The following UTRN variants were observed in gnomAD, a reference collection of about 807,000 sequenced individuals.
UTRN encodes the protein dystrophin-related protein 1.
UTRN carries 283 observed loss-of-function variants against 463.9 expected under a neutral mutation model. The ratio of observed to expected loss-of-function variants is 0.61; its 90% confidence interval spans 0.55 to 0.67. UTRN has a LOEUF of 0.67. Among genes scored for constraint, UTRN ranks in the 30% least tolerant of loss-of-function variants. The probability of loss-of-function intolerance (pLI) is 0.00; values close to 1 mark genes in which losing one functional copy is unlikely to be tolerated. For missense variants in UTRN, 3,922 were observed against 4,084.3 expected (o/e 0.96, Z 1.08); for synonymous variants, 1,442 against 1,431.5 (o/e 1.01, Z -0.17).
chr6:144,542,276 A>G (rs1008841090), intron 45 of UTRN, among the ~76,000 whole-genome samples: 1 of 152,198 alleles, frequency 6.6e-6, no homozygotes, highest in Non-Finnish European at 1.5e-5. Flanking sequence ...CTGAATATCT[A>G]GTTCACAGAG....
At chr6:144,427,665 C>T (rs1785411646) in intron 7 of UTRN, among the ~76,000 whole-genome samples, 1 of 152,204 alleles carries the variant, frequency 6.6e-6, no homozygotes, top group South Asian at 2.1e-4. Context: ...TTTTGGTACA[C>T]TTTTTATGAG....
intron 25 of UTRN, 81 bp downstream of exon 25, chr6:144,474,840 C>T: frequency 6.8e-7 from 1 of 1,473,672 alleles, no homozygotes; most frequent in Non-Finnish European, 9.1e-7. Context: ...TGTATTATGA[C>T]CCATCCAGTT....
chr6:144,690,634 A>G (rs1374620904), intron 52 of UTRN, among the ~76,000 whole-genome samples: 3 of 152,174 alleles, frequency 2.0e-5, no homozygotes, highest in Non-Finnish European at 2.9e-5. Context: ...GCTGACCTCC[A>G]CAAGGTCTCC....
At chr6:144,381,048 A>G (rs1780866010) in intron 2 of UTRN, among the ~76,000 whole-genome samples, 1 of 151,392 alleles carries the variant, frequency 6.6e-6, no homozygotes, top group Non-Finnish European at 1.5e-5. Flanking sequence ...TAAGGGGTAC[A>G]TGTGTAGGTT....
At chr6:144,838,187 G>C (rs1781261727) in intron 71 of UTRN, among the ~76,000 whole-genome samples, 1 of 152,164 alleles carries the variant, frequency 6.6e-6, no homozygotes, top group African/African-American at 2.4e-5. Flanking sequence ...AGGCTTTTCT[G>C]TTCACCCTTG....
intron 28 of UTRN, among the ~76,000 whole-genome samples, chr6:144,485,967 C>T (rs1010220917): frequency 1.3e-5 from 2 of 152,164 alleles, no homozygotes; most frequent in Non-Finnish European, 2.9e-5. Context: ...GGGATCTTGT[C>T]GTAGGAGCTT....
chr6:144,562,535 C>T (rs1039067903), intron 50 of UTRN, among the ~76,000 whole-genome samples: 4 of 152,150 alleles, frequency 2.6e-5, no homozygotes, highest in African/African-American at 9.7e-5. Context: ...GACATGATCT[C>T]ATTCCTTTTT....
At chr6:144,834,675 A>G (rs1462549180) in intron 69 of UTRN, among the ~76,000 whole-genome samples, 1 of 152,194 alleles carries the variant, frequency 6.6e-6, no homozygotes, top group Non-Finnish European at 1.5e-5. Flanking sequence ...GGTGAAGCTG[A>G]GAGAGGCCCA....
At position 144,730,415 on chromosome 6, in the gene UTRN, C is replaced by T. The variant is rs769248962; in HGVS notation, c.7868C>T (p.Ala2623Val). The change falls in exon 54 of 75, where the codon GCC becomes GTC. Residue 2623 changes from alanine to valine, a missense_variant. This residue lies in a region of UTRN where 1,309 missense variants were observed against 1,452.6 expected (regional missense o/e 0.90). Transcript: ENST00000367545. ...EYSVLNAVDQ[A>V]RVFLADQPIE... ...TCTGTCCTGAATGCTGTCGACCAGG[C>T]CCGAGTTTTCTTGGCTGATCAGCCA... 1 of 1,611,968 alleles carries T rather than the reference C, an allele frequency of 6.2e-7. No homozygotes were observed.
At chr6:144,318,905 A>G (rs112855689) in intron 2 of UTRN, among the ~76,000 whole-genome samples, 4,578 of 152,232 alleles carry the variant, frequency 0.03, 223 homozygotes, top group African/African-American at 0.1. Context: ...ACTCCTCTCT[A>G]CAAAAAATAC....
intron 54 of UTRN, among the ~76,000 whole-genome samples, chr6:144,744,015 C>G (rs368332964): frequency 1.3e-5 from 2 of 149,056 alleles, no homozygotes; most frequent in East Asian, 3.9e-4. Context: ...AGGCTAGGTG[C>G]GGTGGCTTAT....
intron 2 of UTRN, among the ~76,000 whole-genome samples, chr6:144,378,452 G>A (rs1780643197): frequency 6.6e-6 from 1 of 152,204 alleles, no homozygotes; most frequent in Admixed American, 6.5e-5. Context: ...AAGGAAAACA[G>A]GTTGCCTTTA....
Position 144,426,443 on chromosome 6 carries a change from G to C in UTRN, c.562G>C (p.Val188Leu). The C allele has an allele frequency of 6.2e-7, 1 of 1,613,658 alleles. No individual in the cohort carries two copies. Among genetic ancestry groups the C allele is most frequent in the Non-Finnish European group, 8.5e-7 (1 of 1,179,860 alleles). ...SWTDGLAFNA[V>L]LHRHKPDLFS... is the part of the protein sequence containing the mutation. Reference sequence around the variant, plus strand: ...GACAGATGGACTCGCCTTTAATGCTGTCCTCCACCGACATAAGTGAGACAT... The same window carrying C: ...GACAGATGGACTCGCCTTTAATGCTCTCCTCCACCGACATAAGTGAGACAT... The change falls in exon 7 of 75, where the codon GTC becomes CTC. Residue 188 changes from valine (V) to leucine (L), a missense_variant. Coordinates refer to ENST00000367545, the MANE Select transcript of UTRN (RefSeq NM_007124.3).
At chr6:144,326,444 G>A (rs1775979500) in intron 2 of UTRN, among the ~76,000 whole-genome samples, 1 of 151,976 alleles carries the variant, frequency 6.6e-6, no homozygotes, top group Non-Finnish European at 1.5e-5. Flanking sequence ...TCATCACATT[G>A]TGTGTGTGGC....
At chr6:144,585,455 A>C (rs189195101) in intron 51 of UTRN, among the ~76,000 whole-genome samples, 1 of 152,138 alleles carries the variant, frequency 6.6e-6, no homozygotes, top group Non-Finnish European at 1.5e-5. Context: ...GATTTTGCCT[A>C]AAGAACTGGA....
Position 144,516,080 on chromosome 6 carries a change from A to C in UTRN, c.5245-149A>C. The C allele has an allele frequency of 3.9e-6, 3 of 760,384 alleles. No individual in the cohort carries two copies. In the South Asian group the frequency reaches 5.4e-5, roughly 14 times the overall value. 47.1% of individuals were successfully genotyped at this position (760,384 alleles called of 1,614,324 possible). A position where few individuals can be genotyped will look rare whatever the true frequency, so the allele number is the denominator to read the frequency against. Reference sequence around the variant, plus strand: ...AGTCTGAATTGGTAAAATCATTGCCATATAAATGAATGAAACAAAAGTTAG... The same window carrying C: ...AGTCTGAATTGGTAAAATCATTGCCCTATAAATGAATGAAACAAAAGTTAG... On this transcript the variant is annotated intron_variant, in intron 37 of 74. Transcript: ENST00000367545.
intron 3 of UTRN, among the ~76,000 whole-genome samples, chr6:144,407,421 A>G (rs1452636437): frequency 1.3e-5 from 2 of 152,202 alleles, no homozygotes; most frequent in African/African-American, 4.8e-5. Context: ...TATGAATACA[A>G]TGCATCAGGA....
At chr6:144,561,357 T>C (rs1435023580) in intron 50 of UTRN, among the ~76,000 whole-genome samples, 13 of 149,038 alleles carry the variant, frequency 8.7e-5, no homozygotes, top group African/African-American at 2.7e-4. Flanking sequence ...TACACACACA[T>C]ATAACTGTGT....
At chr6:144,312,578 T>C (rs1446030127) in intron 2 of UTRN, among the ~76,000 whole-genome samples, 1 of 152,214 alleles carries the variant, frequency 6.6e-6, no homozygotes, top group Non-Finnish European at 1.5e-5. Context: ...ACTAGGAAGA[T>C]TTGTTTTTGT....
Sources: gnomAD v4.1 joint callset for allele counts (sites outside exome capture counted in the v4.1 genomes callset) on GRCh38, gnomAD v4.1.1 for gene constraint, gnomAD v4.1.1 regional missense constraint, MANE v1.5 for transcripts, NCBI Gene and HGNC (gene_info 2026-07-23, HGNC 2026-07-21) for gene names.